Variants in PCDH7 observed in about 807,000 individuals in gnomAD.
PCDH7 encodes protocadherin-7.
A neutral mutation model predicts 58.9 loss-of-function variants in PCDH7; 17 were observed. The ratio of observed to expected loss-of-function variants is 0.29; its 90% confidence interval spans 0.20 to 0.43. The LOEUF is 0.43. Among genes scored for constraint, PCDH7 ranks in the 20% least tolerant of loss-of-function variants. The pLI, the probability that PCDH7 is intolerant of heterozygous loss-of-function variation, is 1.00. For synonymous variants in PCDH7, 664 were observed against 616.4 expected (o/e 1.08, Z -1.14); for missense variants, 1,274 against 1,441.0 (o/e 0.88, Z 1.88).
At chr4:30,790,336 A>G (rs568266810) in intron 1 of PCDH7, among the ~76,000 whole-genome samples, 73 of 152,316 alleles carry the variant, frequency 4.8e-4, no homozygotes, top group Non-Finnish European at 7.1e-4. Context: ...AATGAGATAC[A>G]CAGAGTTTCA....
intron 3 of PCDH7, among the ~76,000 whole-genome samples, chr4:31,060,592 A>G (rs1415789839): frequency 6.6e-6 from 1 of 151,792 alleles, no homozygotes; most frequent in African/African-American, 2.4e-5. Flanking sequence ...TACTGTCCAT[A>G]TGCCTTAAGT....
intron 1 of PCDH7, among the ~76,000 whole-genome samples, chr4:30,842,740 C>T (rs1041419611): frequency 2.6e-5 from 4 of 152,130 alleles, no homozygotes; most frequent in African/African-American, 4.8e-5. Flanking sequence ...ATTGAAAGAA[C>T]TTTAGCAGGG....
chr4:31,137,536 A>G (rs1464227462), intron 3 of PCDH7, among the ~76,000 whole-genome samples: 8 of 152,250 alleles, frequency 5.3e-5, no homozygotes, highest in Admixed American at 5.2e-4. Context: ...ATGAGCCGAG[A>G]TCGTGCCACT....
At chr4:30,752,823 A>G (rs1718747684) in intron 1 of PCDH7, among the ~76,000 whole-genome samples, 1 of 151,308 alleles carries the variant, frequency 6.6e-6, no homozygotes, top group Non-Finnish European at 1.5e-5. Flanking sequence ...GAAAAAAAAG[A>G]AAAAAAGAAC....
intron 1 of PCDH7, among the ~76,000 whole-genome samples, chr4:30,861,393 G>A (rs750385643): frequency 6.7e-6 from 1 of 149,920 alleles, no homozygotes; most frequent in African/African-American, 2.5e-5. Flanking sequence ...ATGTATGCTT[G>A]TCTGCATGTT....
chr4:30,975,436 G>A (rs1749985767), intron 3 of PCDH7, among the ~76,000 whole-genome samples: 1 of 151,902 alleles, frequency 6.6e-6, no homozygotes, highest in South Asian at 2.1e-4. Context: ...AATCATTATT[G>A]TACAAGAATA....
intron 1 of PCDH7, among the ~76,000 whole-genome samples, chr4:30,785,903 A>G (rs144654089): frequency 1.8e-4 from 28 of 152,154 alleles, no homozygotes; most frequent in African/African-American, 6.5e-4. Context: ...CTAAGATTTT[A>G]CTAACATCAA....
chr4:31,106,205 T>A (rs1715554316), intron 3 of PCDH7, among the ~76,000 whole-genome samples: 1 of 152,136 alleles, frequency 6.6e-6, no homozygotes. Flanking sequence ...AGCTCTGCCA[T>A]TGACTTTCTT....
At chr4:30,734,569 T>G (rs369512376), downstream of PCDH7, among the ~76,000 whole-genome samples, 3 of 152,240 alleles carry the variant, frequency 2.0e-5, no homozygotes, top group East Asian at 5.8e-4. Context: ...ACTGAAAGGC[T>G]TTGGAGTGAA....
chr4:31,037,336 C>T (rs1486769052), intron 3 of PCDH7, among the ~76,000 whole-genome samples: 1 of 152,108 alleles, frequency 6.6e-6, no homozygotes, highest in Non-Finnish European at 1.5e-5. Context: ...AAATATTTTG[C>T]TTAATTATTA....
chr4:31,111,758 G>A (rs1296063360), intron 3 of PCDH7, among the ~76,000 whole-genome samples: 3 of 152,266 alleles, frequency 2.0e-5, no homozygotes, highest in South Asian at 2.1e-4. Flanking sequence ...TAACTAACTC[G>A]AAACCTCTGC....
chr4:30,934,010 G>A lies in PCDH7; in HGVS notation c.287+13641G>A, dbSNP rs146735775. On this transcript the variant is annotated intron_variant, in intron 2 of 3. Transcript: ENST00000509759. ...AACCATATTTTATCAGTTTTTCCCCGTAAGCTTACTGCCCTTTATTCAGTG... is the reference window on the plus strand; with the variant it reads ...AACCATATTTTATCAGTTTTTCCCCATAAGCTTACTGCCCTTTATTCAGTG... 4.7e-3 allele frequency among the ~76,000 whole-genome samples: 723 copies of A among 152,268 alleles called. 2 individuals are homozygous for A. The highest frequency in any genetic ancestry group is 7.1e-3 in the Non-Finnish European group (483 of 68,012).
exon 2 of PCDH7, chr4:30,732,339 T>C (rs1715630516): frequency 6.6e-6 from 1 of 152,220 alleles, no homozygotes; most frequent in Admixed American, 6.5e-5. Flanking sequence ...CGTCACTAGA[T>C]ATTCTTCAAA....
At chr4:30,997,929 C>CAGCAAATAAAATATAGCAATAAAATAA (rs1281635600) in intron 3 of PCDH7, among the ~76,000 whole-genome samples, 2 of 151,788 alleles carry the variant, frequency 1.3e-5, no homozygotes, top group African/African-American at 4.8e-5. Context: ...GTGGAGGCTT[C>CAGCAAATAAAATATAGCAATAAAATAA]AGCAAATAAA....
intron 1 of PCDH7, chr4:30,885,194 A>G (rs992012862): frequency 3.3e-5 from 5 of 152,144 alleles, no homozygotes; most frequent in African/African-American, 1.2e-4. Flanking sequence ...CTTGCTTTCC[A>G]CACAATCAAC....
At chr4:30,938,478 A>G (rs1373853490) in intron 2 of PCDH7, among the ~76,000 whole-genome samples, 4 of 110,300 alleles carry the variant, frequency 3.6e-5, no homozygotes, top group South Asian at 5.2e-4. Context: ...CTGGGGAAAA[A>G]CATACACACA....
rs139222024 is a variant in PCDH7, at chr4:30,721,518, G to A, written c.96G>A (p.Gln32=). ...CGCTCAGCCTGGCGGCCGCCAAGCAGCTCCTCCGGTACCGGCTGGCCGAGG... is the reference window on the plus strand; with the variant it reads ...CGCTCAGCCTGGCGGCCGCCAAGCAACTCCTCCGGTACCGGCTGGCCGAGG... Residue 32 remains glutamine, a synonymous_variant, in exon 1 of 2, where the codon CAG becomes CAA. Coordinates refer to ENST00000361762, the Ensembl canonical transcript of PCDH7. The surrounding 1 kb of genome is among the most constrained non-coding windows in gnomAD (Gnocchi z 6.7). The A allele has an allele frequency of 9.4e-5, 150 of 1,601,086 alleles. No individual in the cohort carries two copies. Among genetic ancestry groups the A allele is most frequent in the African/African-American group, 6.1e-4 (46 of 75,040 alleles).
intron 1 of PCDH7, among the ~76,000 whole-genome samples, chr4:30,773,227 T>C (rs1721638936): frequency 6.6e-6 from 1 of 152,216 alleles, no homozygotes; most frequent in Non-Finnish European, 1.5e-5. Flanking sequence ...TAGTGAAGAA[T>C]TTCTTGCTAA....
chr4:30,722,728 G>T lies in PCDH7; in HGVS notation c.1306G>T (p.Val436Phe). 1 of 1,613,556 alleles carries T rather than the reference G, an allele frequency of 6.2e-7. No individual in the cohort carries two copies. The highest frequency in any genetic ancestry group is 8.5e-7 in the Non-Finnish European group (1 of 1,180,016). Residue 436 changes from valine to phenylalanine, a missense_variant, in exon 1 of 2, where the codon GTT (valine) becomes TTT (phenylalanine). This residue lies in a region of PCDH7 where 731 missense variants were observed against 881.9 expected (regional missense o/e 0.83). Transcript: ENST00000361762. This position sits in a 1 kb window ranked among gnomAD's most constrained non-coding sequence, Gnocchi z 7.6. ...CGGGGTGGCCAACGTGGCCGAGGAC[G>T]TTCTGGTCGACACCCCCATCGCTCT...
Sources: allele counts gnomAD v4.1 joint callset (sites outside exome capture counted in the v4.1 genomes callset), GRCh38; gene constraint gnomAD v4.1.1; regional missense constraint gnomAD v4.1.1; non-coding constraint Gnocchi (gnomAD v3.1); transcripts MANE v1.5; gene names NCBI Gene and HGNC (gene_info 2026-07-23, HGNC 2026-07-21).